FBN1: variants seen among roughly 807,000 people sequenced by gnomAD.
The protein encoded by FBN1 is fibrillin 1.
In FBN1, 29 loss-of-function variants were observed where a neutral mutation model predicts 365.1. That is an observed-to-expected ratio of 0.08 (90% CI 0.06 to 0.11). FBN1 has a LOEUF of 0.11. Ranked by LOEUF, FBN1 falls within the 10% of genes least tolerant of loss-of-function variation. The pLI is 1.00. For missense variants in FBN1, 2,476 were observed against 3,703.2 expected (o/e 0.67, Z 8.60); for synonymous variants, 1,210 against 1,270.5 (o/e 0.95, Z 1.01).
chr15:48,446,397 T>C (rs2043159138), intron 47 of FBN1, among the ~76,000 whole-genome samples: 1 of 152,226 alleles, frequency 6.6e-6, no homozygotes, highest in African/African-American at 2.4e-5. Context: ...TCTATTACCA[T>C]GCCTAATTTA....
intron 32 of FBN1, among the ~76,000 whole-genome samples, chr15:48,478,934 T>G (rs1465803147): frequency 1.3e-5 from 2 of 152,190 alleles, no homozygotes; most frequent in Non-Finnish European, 2.9e-5. Context: ...CCAGAGGTCT[T>G]TTTCTTAGTT....
chr15:48,418,701 T>C (rs181113592), intron 63 of FBN1, among the ~76,000 whole-genome samples: 1 of 152,336 alleles, frequency 6.6e-6, no homozygotes, highest in East Asian at 1.9e-4. Flanking sequence ...AGGGTTTTGT[T>C]TGTTTTATAA....
Position 48,487,211 on chromosome 15 carries a change from A to G in FBN1, c.3464-11T>C, listed in dbSNP as rs767786832. On this transcript the variant is annotated splice_polypyrimidine_tract_variant and intron_variant, in intron 28 of 65. Transcript: ENST00000316623. ...CACATTCATTGATGTCTGTCGGGAA[A>G]ATAAGAAGAACAAACACCCAAACAT... is the stretch of plus-strand genomic sequence containing the variant. The G allele has an allele frequency of 6.2e-7, 1 of 1,614,128 alleles. No homozygotes were observed. Among genetic ancestry groups the G allele is most frequent in the Non-Finnish European group, 8.5e-7 (1 of 1,180,002 alleles).
chr15:48,633,657 C>T (rs1209971213), intron 2 of FBN1, among the ~76,000 whole-genome samples: 1 of 152,170 alleles, frequency 6.6e-6, no homozygotes. Flanking sequence ...AGTATCACCC[C>T]TTCAGGGCTG....
intron 38 of FBN1, among the ~76,000 whole-genome samples, 166 bp from the exon 39 acceptor site, chr15:48,466,024 C>T (rs1029568996): frequency 1.3e-5 from 2 of 152,164 alleles, no homozygotes; most frequent in Non-Finnish European, 2.9e-5. Context: ...GTACACTTCC[C>T]ATTTTCCAGT....
intron 16 of FBN1, 127 bp downstream of exon 16, chr15:48,504,898 G>T: frequency 1.6e-6 from 2 of 1,233,858 alleles, no homozygotes; most frequent in Non-Finnish European, 2.4e-6. Context: ...TGACCCTGTT[G>T]GTTTGTTGCT....
At chr15:48,612,887 C>G in intron 3 of FBN1, 123 bp downstream of exon 3, 1 of 794,464 alleles carries the variant, frequency 1.3e-6, no homozygotes, top group Non-Finnish European at 2.3e-6. Context: ...AGTCTTAAAG[C>G]TGGAAGGCTG....
intron 16 of FBN1, 25 bp from the exon 17 acceptor site, chr15:48,503,964 T>C (rs777819528): frequency 1.2e-6 from 2 of 1,613,542 alleles, no homozygotes; most frequent in African/African-American, 1.3e-5. Flanking sequence ...GCATCTGTCA[T>C]CACACTGTCA....
intron 64 of FBN1, among the ~76,000 whole-genome samples, chr15:48,413,140 G>T (rs192688224): frequency 1.5e-4 from 23 of 152,296 alleles, no homozygotes; most frequent in African/African-American, 5.1e-4. Context: ...AGGCTCCATG[G>T]GAGTGAGCAA....
chr15:48,425,944 A>G, intron 58 of FBN1, 80 bp from the exon 59 acceptor site: 1 of 1,101,530 alleles, frequency 9.1e-7, no homozygotes. Flanking sequence ...TTCAGTGTAA[A>G]TACTAATAAA....
chr15:48,479,072 A>G (rs942128548), intron 32 of FBN1, among the ~76,000 whole-genome samples: 1 of 152,214 alleles, frequency 6.6e-6, no homozygotes, highest in African/African-American at 2.4e-5. Context: ...CTGCTTGCTT[A>G]TCCAATTAGG....
At chr15:48,619,802 C>A (rs137882576) in intron 2 of FBN1, among the ~76,000 whole-genome samples, 304 of 150,716 alleles carry the variant, frequency 2.0e-3, no homozygotes, top group African/African-American at 7.3e-3. Context: ...ATAATTTGTA[C>A]CTCAAACAAT....
rs371116530 is a variant in FBN1 at position 48,456,869 on chromosome 15, T to TGTGTGTGTGTGTGTGTGC, written c.5297-108_5297-107insGCACACACACACACACAC. ...GTGTGTGTGTGTGTGTGTGTGTGTGTGTGCGTGCATGTGTTGGGGTGGTGG... is the reference window on the plus strand; with the variant it reads ...GTGTGTGTGTGTGTGTGTGTGTGTGTGTGTGTGTGTGTGTGTGCGTGCGTGCATGTGTTGGGGTGGTGG... On this transcript the variant is annotated intron_variant, in intron 43 of 65. Coordinates refer to ENST00000316623, the MANE Select transcript of FBN1 (RefSeq NM_000138.5). The TGTGTGTGTGTGTGTGTGC allele has an allele frequency of 3.7e-6, 4 of 1,086,608 alleles. No individual in the cohort carries two copies. The African/African-American group carries it at 4.7e-5, about 13-fold the overall frequency. The allele number at this position is 1,086,608 out of a possible 1,614,324, so 67.3% of individuals were successfully genotyped here. A position where few individuals can be genotyped will look rare whatever the true frequency, so the allele number is the denominator to read the frequency against.
chr15:48,502,225 T>C (rs2141313682), intron 17 of FBN1, among the ~76,000 whole-genome samples: 1 of 152,268 alleles, frequency 6.6e-6, no homozygotes, highest in Non-Finnish European at 1.5e-5. Flanking sequence ...TTTGTATTTT[T>C]AGTAGAGATG....
At chr15:48,426,704 G>A (rs2042981786) in intron 58 of FBN1, among the ~76,000 whole-genome samples, 1 of 152,076 alleles carries the variant, frequency 6.6e-6, no homozygotes, top group South Asian at 2.1e-4. Context: ...AGTCTACTCT[G>A]AAGTGCAATT....
intron 9 of FBN1, among the ~76,000 whole-genome samples, chr15:48,523,318 G>A (rs1214813031): frequency 6.6e-6 from 1 of 152,210 alleles, no homozygotes; most frequent in African/African-American, 2.4e-5. Context: ...ATGGGCTAAT[G>A]TCTATTATTT....
intron 2 of FBN1, among the ~76,000 whole-genome samples, chr15:48,629,529 G>T (rs1305229127): frequency 1.3e-5 from 2 of 152,122 alleles, no homozygotes; most frequent in Non-Finnish European, 2.9e-5. Flanking sequence ...GAAAATTAGT[G>T]TTAATGGTAA....
chr15:48,462,403 T>C (rs2043286260), intron 42 of FBN1, among the ~76,000 whole-genome samples: 1 of 152,194 alleles, frequency 6.6e-6, no homozygotes, highest in South Asian at 2.1e-4. Context: ...CATGAGAATA[T>C]AAGAAGAAAT....
intron 64 of FBN1, among the ~76,000 whole-genome samples, chr15:48,414,001 G>A (rs529413129): frequency 2.6e-5 from 4 of 152,282 alleles, no homozygotes; most frequent in East Asian, 1.9e-4. Context: ...GTGCGCATGC[G>A]TATACATTCA....
Sources: allele counts gnomAD v4.1 joint callset (sites outside exome capture counted in the v4.1 genomes callset), GRCh38; gene constraint gnomAD v4.1.1; transcripts MANE v1.5; gene names NCBI Gene and HGNC (gene_info 2026-07-23, HGNC 2026-07-21).